GALNT15: variants seen among roughly 807,000 people sequenced by gnomAD.
GALNT15 encodes polypeptide N-acetylgalactosaminyltransferase 15.
In GALNT15, 67 loss-of-function variants were observed where a neutral mutation model predicts 66.8. The observed-to-expected ratio is 1.00, with a 90% CI of 0.82 to 1.23. The LOEUF is 1.23. Ranked by LOEUF, GALNT15 falls within the 50% of genes most tolerant of loss-of-function variation. The pLI is 0.00. For missense variants in GALNT15, 827 were observed against 804.3 expected (o/e 1.03, Z -0.34); for synonymous variants, 313 against 311.5 (o/e 1.00, Z -0.05).
chr3:16,197,534 G>A (rs921292696), intron 2 of GALNT15, among the ~76,000 whole-genome samples: 2 of 152,140 alleles, frequency 1.3e-5, no homozygotes, highest in Admixed American at 6.5e-5. Flanking sequence ...GAGAGGCAGG[G>A]CTTATCAACC....
downstream of GALNT15, among the ~76,000 whole-genome samples, chr3:16,230,939 T>A (rs2064075985): frequency 6.6e-6 from 1 of 152,098 alleles, no homozygotes; most frequent in Non-Finnish European, 1.5e-5. The surrounding 1 kb of genome is among the most constrained non-coding windows in gnomAD (Gnocchi z 4.5). Context: ...GTGGCACATA[T>A]ACACCATGGA....
At chr3:16,201,916 T>C (rs2063707700) in intron 3 of GALNT15, among the ~76,000 whole-genome samples, 2 of 152,176 alleles carry the variant, frequency 1.3e-5, no homozygotes, top group African/African-American at 4.8e-5. Flanking sequence ...TTGGAGCTCA[T>C]GTAGGCATGT....
At chr3:16,213,285 C>T (rs1022978366) in intron 6 of GALNT15, among the ~76,000 whole-genome samples, 1 of 148,814 alleles carries the variant, frequency 6.7e-6, no homozygotes. Flanking sequence ...GAAACCCCGT[C>T]TCTACTAAAA....
the GALNT15 span, among the ~76,000 whole-genome samples, chr3:16,239,619 C>T: frequency 2.0e-3 from 310 of 152,328 alleles, 1 homozygote; most frequent in African/African-American, 6.9e-3. The surrounding 1 kb of genome is among the most constrained non-coding windows in gnomAD (Gnocchi z 5.2). Context: ...ATCGGTCAAA[C>T]ACTCTGGGAA....
In GALNT15 at chr3:16,175,589, A is replaced by G. The variant is rs556181691; in HGVS notation, c.438A>G (p.Glu146=). 56 of 1,613,588 alleles carry G rather than the reference A, an allele frequency of 3.5e-5. No homozygotes were observed. The South Asian group carries it at 4.5e-4, about 13-fold the overall frequency. The part of the protein sequence containing the change: ...GADEDGEVSE[E]EELTPFSLDP... ...ATGAGGACGGGGAGGTGTCTGAAGAAGAGGAGTTGACCCCGTTCAGCCTGG... is the reference window on the plus strand; with the variant it reads ...ATGAGGACGGGGAGGTGTCTGAAGAGGAGGAGTTGACCCCGTTCAGCCTGG... The change falls in exon 1 of 10, where the codon GAA becomes GAG. Residue 146 remains glutamate (E), a synonymous_variant. Transcript: ENST00000339732. The surrounding 1 kb of genome is among the most constrained non-coding windows in gnomAD (Gnocchi z 5.6).
chr3:16,237,708 G>A, the GALNT15 span, among the ~76,000 whole-genome samples: 4 of 152,180 alleles, frequency 2.6e-5, no homozygotes, highest in Admixed American at 1.3e-4. This position sits in a 1 kb window ranked among gnomAD's most constrained non-coding sequence, Gnocchi z 4.2. Context: ...AACTCTTTGA[G>A]AGTCTCCAGT....
Position 16,229,851 on chromosome 3 carries a change from A to C in GALNT15, c.*2351A>C. On this transcript the variant is annotated 3_prime_UTR_variant, in exon 10 of 10. Transcript: ENST00000339732. ...GTTTCTTGCTTCCTTAACCAGCTCCATGATTTATTACTTTATTGCAGAAGT... is the reference window on the plus strand; with the variant it reads ...GTTTCTTGCTTCCTTAACCAGCTCCCTGATTTATTACTTTATTGCAGAAGT... 1.4e-5 allele frequency: 8 copies of C among 566,286 alleles called. No homozygotes were observed. Among genetic ancestry groups the C allele is most frequent in the African/African-American group, 2.0e-5 (1 of 49,128 alleles). 35.1% of individuals were successfully genotyped at this position (566,286 alleles called of 1,614,324 possible).
rs756829790 is a variant in GALNT15, at chr3:16,193,298, A to G, written c.540-2462A>G. 6.6e-6 allele frequency among the ~76,000 whole-genome samples: 1 copy of G among 152,174 alleles called. No individual in the cohort carries two copies. The highest frequency in any genetic ancestry group is 1.5e-5 in the Non-Finnish European group (1 of 68,028). ...ATACCTAGGCCCTTATAACCTATATATTTATGTTCTTTCTCCAAATGCTGA... is the reference window on the plus strand; with the variant it reads ...ATACCTAGGCCCTTATAACCTATATGTTTATGTTCTTTCTCCAAATGCTGA... On this transcript the variant is annotated intron_variant, in intron 1 of 9. Coordinates refer to ENST00000339732, the MANE Select transcript of GALNT15 (RefSeq NM_054110.5). This position sits in a 1 kb window ranked among gnomAD's most constrained non-coding sequence, Gnocchi z 4.7.
chr3:16,237,213 G>A, the GALNT15 span, among the ~76,000 whole-genome samples: 87 of 152,234 alleles, frequency 5.7e-4, no homozygotes, highest in African/African-American at 2.0e-3. This position sits in a 1 kb window ranked among gnomAD's most constrained non-coding sequence, Gnocchi z 4.2. Flanking sequence ...CCAAGGAAAG[G>A]GACTTCCAAA....
rs77683678 is a variant in GALNT15, at chr3:16,201,565, A to G, written c.911+742A>G. 8.8e-3 allele frequency among the ~76,000 whole-genome samples: 1,335 copies of G among 152,316 alleles called. 26 individuals carry two copies. Among genetic ancestry groups the G allele is most frequent in the African/African-American group, 0.03 (1,249 of 41,566 alleles). On this transcript the variant is annotated intron_variant, in intron 3 of 9. Transcript: ENST00000339732. ...ACACTAGGCCGTAGATTACTCACCCATAAAAAGAAAACATTATGTTCTCTG... is the reference window on the plus strand; with the variant it reads ...ACACTAGGCCGTAGATTACTCACCCGTAAAAAGAAAACATTATGTTCTCTG...
chr3:16,201,582 T>C (rs2063704434), intron 3 of GALNT15, among the ~76,000 whole-genome samples: 1 of 152,210 alleles, frequency 6.6e-6, no homozygotes, highest in Non-Finnish European at 1.5e-5. Context: ...GAAAACATTA[T>C]GTTCTCTGAT....
At position 16,182,045 on chromosome 3, in the gene GALNT15, A is replaced by G. The variant is rs1002399698; in HGVS notation, c.539+6355A>G. Among the ~76,000 whole-genome samples the G allele has an allele frequency of 7.9e-5, 12 of 152,170 alleles. No homozygotes were observed. Among genetic ancestry groups the G allele is most frequent in the Admixed American group, 3.3e-4 (5 of 15,276 alleles). On this transcript the variant is annotated intron_variant, in intron 1 of 9. Coordinates refer to ENST00000339732, the MANE Select transcript of GALNT15 (RefSeq NM_054110.5). The surrounding 1 kb of genome is among the most constrained non-coding windows in gnomAD (Gnocchi z 6.1). The stretch of plus-strand genomic sequence containing the variant: ...GTGGTAGGGTCTTACCCTGCACTTC[A>G]GGACAAACCCAGCTGGCCTTGGGGG...
At chr3:16,207,753 C>G (rs1327993950) in intron 3 of GALNT15, among the ~76,000 whole-genome samples, 1 of 152,084 alleles carries the variant, frequency 6.6e-6, no homozygotes, top group East Asian at 1.9e-4. Context: ...TCCATAAACT[C>G]TCTGACATCG....
intron 1 of GALNT15, among the ~76,000 whole-genome samples, chr3:16,190,637 C>CAAAAAAAAAAA (rs34205852): frequency 2.0e-5 from 2 of 98,640 alleles, no homozygotes; most frequent in African/African-American, 3.9e-5. Flanking sequence ...GACTCCGTAT[C>CAAAAAAAAAAA]AAAAAAAAAA....
At chr3:16,235,388 C>G (rs1043883346), downstream of GALNT15, among the ~76,000 whole-genome samples, 1 of 152,134 alleles carries the variant, frequency 6.6e-6, no homozygotes, top group Non-Finnish European at 1.5e-5. Flanking sequence ...AAAATGTTCC[C>G]CCTCATATTT....
In GALNT15 at chr3:16,204,894, AGT is replaced by A. The variant is rs777638458; in HGVS notation, c.912-3598_912-3597del. ...CCCCTTGTGCTTGTGCATGTGAGTC[AGT>A]GTGTGTGTGTAAGCATGTGAGAGTC... On this transcript the variant is annotated intron_variant, in intron 3 of 9. Transcript: ENST00000339732. This position sits in a 1 kb window ranked among gnomAD's most constrained non-coding sequence, Gnocchi z 4.5. 6.6e-6 allele frequency among the ~76,000 whole-genome samples: 1 copy of A among 152,108 alleles called. No homozygotes were observed. The highest frequency in any genetic ancestry group is 1.5e-5 in the Non-Finnish European group (1 of 68,000).
chr3:16,232,095 A>G (rs927860030), downstream of GALNT15: 1 of 777,828 alleles, frequency 1.3e-6, no homozygotes. Flanking sequence ...AAATTCTCCA[A>G]AACTCTCCAA....
rs2063600591 is a variant in GALNT15, at chr3:16,193,455, T to C, written c.540-2305T>C. 6.6e-6 allele frequency among the ~76,000 whole-genome samples: 1 copy of C among 152,244 alleles called. No individual in the cohort carries two copies. Among genetic ancestry groups the C allele is most frequent in the Non-Finnish European group, 1.5e-5 (1 of 68,032 alleles). On this transcript the variant is annotated intron_variant, in intron 1 of 9. Transcript: ENST00000339732. The surrounding 1 kb of genome is among the most constrained non-coding windows in gnomAD (Gnocchi z 4.7). ...CAAATCATTTATGGAAATAAATAGC[T>C]TGTAAATTTATAAACCAACAAAATA...
Position 16,228,778 on chromosome 3 carries a change from T to A in GALNT15, c.*1278T>A, listed in dbSNP as rs1415101082. 4.5e-5 allele frequency: 44 copies of A among 985,434 alleles called. No individual in the cohort carries two copies. The highest frequency in any genetic ancestry group is 5.2e-5 in the Non-Finnish European group (43 of 829,946). 61.0% of individuals were successfully genotyped at this position (985,434 alleles called of 1,614,324 possible). A position where few individuals can be genotyped will look rare whatever the true frequency, so the allele number is the denominator to read the frequency against. On this transcript the variant is annotated 3_prime_UTR_variant, in exon 10 of 10. Coordinates refer to ENST00000339732, the MANE Select transcript of GALNT15 (RefSeq NM_054110.5). ...ATGCCAGAGCCTGAGCCAAAATTCT[T>A]ATGACAGGTAACATTTGGGTGTTAA...
Sources: allele counts gnomAD v4.1 joint callset (sites outside exome capture counted in the v4.1 genomes callset), GRCh38; gene constraint gnomAD v4.1.1; non-coding constraint Gnocchi (gnomAD v3.1); transcripts MANE v1.5; gene names NCBI Gene and HGNC (gene_info 2026-07-23, HGNC 2026-07-21).